LRRC40: variants seen among roughly 807,000 people sequenced by gnomAD.
LRRC40 encodes the protein leucine-rich repeat-containing protein 40.
Under a neutral mutation model 72.8 loss-of-function variants are expected in LRRC40, and 76 were observed. The ratio of observed to expected loss-of-function variants is 1.04; its 90% CI spans 0.87 to 1.26. The LOEUF is 1.26. Among genes scored for constraint, LRRC40 ranks in the 50% most tolerant of loss-of-function variants. The pLI is 0.00. For missense variants in LRRC40, 684 were observed against 698.9 expected, an observed-to-expected ratio of 0.98 and a Z score of 0.24; for synonymous variants, 243 against 254.2, an observed-to-expected ratio of 0.96 and a Z score of 0.42.
At chr1:70,158,579 T>A (rs1444780615) in intron 10 of LRRC40, among the ~76,000 whole-genome samples, 2 of 152,188 alleles carry the variant, frequency 1.3e-5, no homozygotes, top group Admixed American at 6.5e-5. Context: ...TTCATATACT[T>A]CCATAAAAAA....
chr1:70,161,639 G>C (rs1490370328), intron 9 of LRRC40, among the ~76,000 whole-genome samples: 1 of 152,046 alleles, frequency 6.6e-6, no homozygotes, highest in Non-Finnish European at 1.5e-5. Flanking sequence ...AGTTGAACGA[G>C]TGTCACCTAG....
chr1:70,190,357 C>T (rs1191476423), intron 1 of LRRC40, among the ~76,000 whole-genome samples: 3 of 151,820 alleles, frequency 2.0e-5, no homozygotes, highest in Admixed American at 1.3e-4. Context: ...AAAGCCAAGC[C>T]CCTGAAAGGC....
At chr1:70,194,989 G>A (rs1337970585) in intron 1 of LRRC40, among the ~76,000 whole-genome samples, 1 of 152,024 alleles carries the variant, frequency 6.6e-6, no homozygotes, top group Non-Finnish European at 1.5e-5. Context: ...TTCAACAAAT[G>A]GTACTGGAAT....
intron 9 of LRRC40, among the ~76,000 whole-genome samples, chr1:70,164,846 A>C (rs1667845173): frequency 6.6e-6 from 1 of 152,254 alleles, no homozygotes; most frequent in Non-Finnish European, 1.5e-5. Flanking sequence ...CAAATTTTTA[A>C]ATTATAGTCC....
intron 1 of LRRC40, among the ~76,000 whole-genome samples, chr1:70,202,467 C>T (rs545601427): frequency 4.6e-5 from 7 of 152,198 alleles, no homozygotes; most frequent in African/African-American, 7.2e-5. Flanking sequence ...AATTAAGAGA[C>T]ATTCTGGGAA....
At chr1:70,151,079 G>T (rs746397568) in intron 13 of LRRC40, 49 bp downstream of exon 13, 10 of 1,063,374 alleles carry the variant, frequency 9.4e-6, no homozygotes, top group Middle Eastern at 2.3e-4. Flanking sequence ...CAATGAGAAA[G>T]ATCTACATAT....
chr1:70,171,282 T>C (rs1667994039), intron 9 of LRRC40, among the ~76,000 whole-genome samples: 2 of 151,594 alleles, frequency 1.3e-5, no homozygotes, highest in South Asian at 4.2e-4. Flanking sequence ...CTTTATAACC[T>C]AGGATTTTGT....
intron 10 of LRRC40, among the ~76,000 whole-genome samples, chr1:70,156,782 C>A (rs567303907): frequency 6.6e-6 from 1 of 152,162 alleles, no homozygotes; most frequent in Admixed American, 6.5e-5. Flanking sequence ...TCACAGAGGG[C>A]AGGTCAGAGA....
chr1:70,185,372 T>C (rs1668338151), intron 3 of LRRC40, among the ~76,000 whole-genome samples: 1 of 152,198 alleles, frequency 6.6e-6, no homozygotes, highest in African/African-American at 2.4e-5. Flanking sequence ...GTTTCCCCCA[T>C]ACTGTTCTCG....
rs114810937 is a variant in LRRC40 at position 70,167,945 on chromosome 1, T to A, written c.1111+5520A>T. 4.5e-3 allele frequency among the ~76,000 whole-genome samples: 688 copies of A among 152,174 alleles called. 6 individuals are homozygous for A. The highest frequency in any genetic ancestry group is 0.016 in the African/African-American group (675 of 41,526). The stretch of plus-strand genomic sequence containing the variant: ...AATGATTCTAATAGCAAACAGCAAA[T>A]GAAGAAATAGCTGTTCAAGAAAATC... On this transcript the variant is annotated intron_variant, in intron 9 of 14. Transcript: ENST00000370952.
intron 1 of LRRC40, 25 bp from the exon 2 acceptor site, chr1:70,189,298 GAAAAAAAAAA>G (rs745450367): frequency 2.6e-5 from 20 of 763,820 alleles, no homozygotes; most frequent in Admixed American, 2.3e-4. Flanking sequence ...ACCACACCAG[GAAAAAAAAAA>G]AAAAAAAAAA....
chr1:70,188,162 T>G (rs760510186), intron 2 of LRRC40, among the ~76,000 whole-genome samples: 3 of 152,036 alleles, frequency 2.0e-5, no homozygotes, highest in Non-Finnish European at 4.4e-5. Context: ...AAATAAAAAG[T>G]TCCCTAAAAA....
chr1:70,189,273 A>C lies in LRRC40; in HGVS notation c.152T>G (p.Val51Gly). The C allele has an allele frequency of 6.4e-7, 1 of 1,573,402 alleles. No homozygotes were observed. Among genetic ancestry groups the C allele is most frequent in the Non-Finnish European group, 8.6e-7 (1 of 1,156,150 alleles). ...LNLSGRNLSE[V>G]PQCVWRINVD... ...ATTTATTCTCCAGACACACTGCGGC[A>C]CTAGTTCCATCAGCACCACACCAGG... Residue 51 changes from valine (V) to glycine (G), a missense_variant and splice_region_variant, in exon 2 of 15, where the codon GTG (valine) becomes GGG (glycine). Transcript: ENST00000370952.
At chr1:70,169,574 G>A (rs1361858233) in intron 9 of LRRC40, among the ~76,000 whole-genome samples, 1 of 152,062 alleles carries the variant, frequency 6.6e-6, no homozygotes, top group Non-Finnish European at 1.5e-5. Context: ...AAAAAAGAGA[G>A]AAGACTCACA....
chr1:70,164,767 G>C (rs944571197), intron 9 of LRRC40, among the ~76,000 whole-genome samples: 2 of 152,094 alleles, frequency 1.3e-5, no homozygotes, highest in East Asian at 3.8e-4. Context: ...TGTAAGATTT[G>C]CATGTCAGAT....
chr1:70,173,965 C>A (rs552815405), intron 7 of LRRC40, among the ~76,000 whole-genome samples: 58 of 152,032 alleles, frequency 3.8e-4, no homozygotes, highest in African/African-American at 1.4e-3. Flanking sequence ...TAAATTATAA[C>A]ATTTGCTAAA....
intron 1 of LRRC40, among the ~76,000 whole-genome samples, chr1:70,190,504 A>C (rs1305815500): frequency 6.6e-6 from 1 of 150,984 alleles, no homozygotes; most frequent in Non-Finnish European, 1.5e-5. Flanking sequence ...ATCAAAGAAA[A>C]ACCATATCTC....
chr1:70,191,094 T>C (rs566774390), intron 1 of LRRC40, among the ~76,000 whole-genome samples: 2 of 151,770 alleles, frequency 1.3e-5, no homozygotes, highest in Non-Finnish European at 2.9e-5. Context: ...TGGTCACATA[T>C]ATATTTTACT....
chr1:70,187,718 C>T (rs1668395644), intron 2 of LRRC40, among the ~76,000 whole-genome samples: 1 of 152,008 alleles, frequency 6.6e-6, no homozygotes, highest in East Asian at 1.9e-4. Flanking sequence ...GTAGCCCCAT[C>T]TACTCAGAAG....
Sources: allele counts gnomAD v4.1 joint callset (sites outside exome capture counted in the v4.1 genomes callset), GRCh38; gene constraint gnomAD v4.1.1; transcripts MANE v1.5; gene names NCBI Gene and HGNC (gene_info 2026-07-23, HGNC 2026-07-21).